The following NCKAP5 variants were observed in gnomAD, a reference collection of about 807,000 sequenced individuals.
NCKAP5 encodes NCK associated protein 5.
A neutral mutation model predicts 167.0 loss-of-function variants in NCKAP5; 92 were observed. That is an observed-to-expected ratio of 0.55 (90% CI 0.47 to 0.66). The LOEUF is 0.66. NCKAP5 is among the 30% of genes least tolerant of loss of function. NCKAP5 has a pLI of 0.00. For synonymous variants in NCKAP5, 891 were observed against 877.4 expected (o/e 1.02, Z -0.27); for missense variants, 2,378 against 2,315.0 (o/e 1.03, Z -0.56).
chr2:133,631,079 G>T, the NCKAP5 span, among the ~76,000 whole-genome samples: 1 of 152,206 alleles, frequency 6.6e-6, no homozygotes, highest in Admixed American at 6.5e-5. Context: ...ATAAAATCAT[G>T]AAAAATCATG....
rs550056443 is a variant in NCKAP5 at position 133,438,885 on chromosome 2, A to C, written c.69+78573T>G. Among the ~76,000 whole-genome samples the C allele has an allele frequency of 2.6e-5, 4 of 152,318 alleles. No homozygotes were observed. In the South Asian group the frequency reaches 8.3e-4, roughly 32 times the overall value. On this transcript the variant is annotated intron_variant, in intron 3 of 19. Transcript: ENST00000409261. The stretch of plus-strand genomic sequence containing the variant: ...AAATCAACCCCAAAATATTCACATA[A>C]ACTTAAAACCTGACTTCAATAATTT...
chr2:133,336,892 C>G (rs750134927), intron 3 of NCKAP5, among the ~76,000 whole-genome samples: 22 of 152,316 alleles, frequency 1.4e-4, no homozygotes, highest in Middle Eastern at 6.8e-3. Context: ...CCGGGTCTCA[C>G]TGCCACAGGA....
intron 4 of NCKAP5, among the ~76,000 whole-genome samples, chr2:133,227,611 T>C (rs562978319): frequency 6.6e-6 from 1 of 152,310 alleles, no homozygotes; most frequent in East Asian, 1.9e-4. Flanking sequence ...TACTGACTTT[T>C]ATAAACCATT....
chr2:133,532,082 T>G (rs1320090695), intron 2 of NCKAP5, among the ~76,000 whole-genome samples: 1 of 152,248 alleles, frequency 6.6e-6, no homozygotes, highest in Non-Finnish European at 1.5e-5. Context: ...TTAGTTTATG[T>G]ACATATGATA....
chr2:133,274,096 T>C (rs1031111127), intron 4 of NCKAP5, among the ~76,000 whole-genome samples: 3 of 151,882 alleles, frequency 2.0e-5, no homozygotes, highest in Non-Finnish European at 4.4e-5. Flanking sequence ...TCTAAGGTCT[T>C]AGAGCAGTTA....
intron 5 of NCKAP5, among the ~76,000 whole-genome samples, chr2:133,179,570 C>T (rs950818302): frequency 2.0e-5 from 3 of 152,058 alleles, no homozygotes; most frequent in Non-Finnish European, 4.4e-5. Flanking sequence ...GATTAAAATG[C>T]TTCAATGAAT....
intron 4 of NCKAP5, among the ~76,000 whole-genome samples, chr2:133,280,273 A>G (rs950389252): frequency 1.3e-5 from 2 of 152,224 alleles, no homozygotes; most frequent in East Asian, 3.9e-4. Flanking sequence ...TAGCATCCAC[A>G]TGTCTGAAAT....
the NCKAP5 span, among the ~76,000 whole-genome samples, chr2:133,659,749 C>G: frequency 6.6e-6 from 1 of 152,040 alleles, no homozygotes; most frequent in African/African-American, 2.4e-5. Flanking sequence ...ATACTAAAAA[C>G]CAGTGCATTA....
the NCKAP5 span, among the ~76,000 whole-genome samples, chr2:133,589,308 A>C: frequency 6.6e-6 from 1 of 152,218 alleles, no homozygotes; most frequent in Admixed American, 6.5e-5. Flanking sequence ...GGAAGAAATT[A>C]AAAAGGCAAG....
chr2:132,938,713 G>C (rs1697042323), intron 8 of NCKAP5, among the ~76,000 whole-genome samples: 1 of 152,154 alleles, frequency 6.6e-6, no homozygotes, highest in Non-Finnish European at 1.5e-5. Context: ...CTTTAAGACA[G>C]CATTACTGGA....
At chr2:133,007,848 T>C (rs961002341) in intron 6 of NCKAP5, among the ~76,000 whole-genome samples, 1 of 152,190 alleles carries the variant, frequency 6.6e-6, no homozygotes, top group Non-Finnish European at 1.5e-5. Flanking sequence ...AAAGATAAAC[T>C]GGAGAATGTA....
At chr2:132,733,172 T>C (rs1246421038) in intron 16 of NCKAP5, among the ~76,000 whole-genome samples, 1 of 152,226 alleles carries the variant, frequency 6.6e-6, no homozygotes, top group Non-Finnish European at 1.5e-5. Flanking sequence ...GTGTGGTTTA[T>C]CAAGGCCAAT....
At chr2:132,813,393 T>C (rs774493139) in intron 11 of NCKAP5, among the ~76,000 whole-genome samples, 22 of 152,212 alleles carry the variant, frequency 1.4e-4, no homozygotes, top group Non-Finnish European at 2.6e-4. Flanking sequence ...AGGAAAGGTC[T>C]AGAGGAAGGG....
intron 3 of NCKAP5, among the ~76,000 whole-genome samples, chr2:133,362,701 A>G (rs979919803): frequency 6.6e-6 from 1 of 152,156 alleles, no homozygotes; most frequent in Non-Finnish European, 1.5e-5. Context: ...CAAGACTGAG[A>G]GGCAAAGTGA....
Position 132,736,690 on chromosome 2 carries a change from G to C in NCKAP5, c.5129-4639C>G, listed in dbSNP as rs576584821. 6.6e-5 allele frequency among the ~76,000 whole-genome samples: 10 copies of C among 152,176 alleles called. No homozygotes were observed. In the East Asian group the frequency reaches 9.6e-4, roughly 15 times the overall value. On this transcript the variant is annotated intron_variant, in intron 16 of 19. Coordinates refer to ENST00000409261, the MANE Select transcript of NCKAP5 (RefSeq NM_207363.3). ...TAGTCCCAGCTACTTGGGAGGCTGA[G>C]GCAGGAGAATTGCCTGAACCTGGGA...
intron 2 of NCKAP5, among the ~76,000 whole-genome samples, chr2:133,540,263 A>C (rs1575126098): frequency 6.6e-6 from 1 of 152,318 alleles, no homozygotes; most frequent in East Asian, 1.9e-4. Flanking sequence ...GAAAGACAAA[A>C]TCCTAACACA....
At chr2:132,749,853 A>G (rs941711057) in intron 16 of NCKAP5, among the ~76,000 whole-genome samples, 1 of 152,232 alleles carries the variant, frequency 6.6e-6, no homozygotes, top group African/African-American at 2.4e-5. Flanking sequence ...TGACTTCAGT[A>G]TCTAGCAGAG....
chr2:132,910,180 C>A (rs1694334275), intron 8 of NCKAP5, among the ~76,000 whole-genome samples: 1 of 151,978 alleles, frequency 6.6e-6, no homozygotes, highest in African/African-American at 2.4e-5. Flanking sequence ...TTGATACAGG[C>A]ATGCAATGTG....
chr2:133,426,924 G>A (rs561794254), intron 3 of NCKAP5, among the ~76,000 whole-genome samples: 6 of 152,158 alleles, frequency 3.9e-5, no homozygotes, highest in Non-Finnish European at 8.8e-5. Context: ...TTCTGATGGT[G>A]ATATACAGAA....
Sources: allele counts gnomAD v4.1 joint callset (sites outside exome capture counted in the v4.1 genomes callset), GRCh38; gene constraint gnomAD v4.1.1; transcripts MANE v1.5; gene names NCBI Gene and HGNC (gene_info 2026-07-23, HGNC 2026-07-21).